Variants in CUL2 observed in about 807,000 individuals in gnomAD.
CUL2 encodes cullin 2.
CUL2 carries 22 observed loss-of-function variants against 110.2 expected under a neutral mutation model. That is an observed-to-expected ratio of 0.20 (90% CI 0.14 to 0.28). The LOEUF (loss-of-function observed/expected upper bound fraction) is 0.28. CUL2 is among the 10% of genes least tolerant of loss of function. The pLI is 1.00. For missense variants in CUL2, 631 were observed against 905.5 expected (o/e 0.70, Z 3.89); for synonymous variants, 279 against 293.2 (o/e 0.95, Z 0.49).
chr10:35,053,846 T>G (rs947643363), intron 5 of CUL2, among the ~76,000 whole-genome samples: 9 of 152,202 alleles, frequency 5.9e-5, no homozygotes, highest in Non-Finnish European at 1.2e-4. Context: ...CAAGCTTTTG[T>G]GTGCAGGGAC....
At chr10:35,106,304 GT>G (rs560169656) in intron 1 of CUL2, among the ~76,000 whole-genome samples, 5,385 of 142,246 alleles carry the variant, frequency 0.038, 136 homozygotes, top group Non-Finnish European at 0.06. Context: ...TGTGTTTTTT[GT>G]TTTTTTTTTT....
intron 8 of CUL2, 30 bp from the exon 9 acceptor site, chr10:35,039,112 C>A: frequency 2.1e-6 from 3 of 1,443,616 alleles, no homozygotes; most frequent in Non-Finnish European, 2.8e-6. Context: ...CAGTCATGAA[C>A]ACAAAGTTTT....
At chr10:35,085,226 A>G (rs2087031813) in intron 1 of CUL2, among the ~76,000 whole-genome samples, 1 of 151,810 alleles carries the variant, frequency 6.6e-6, no homozygotes, top group Non-Finnish European at 1.5e-5. Flanking sequence ...CAGGAGATTG[A>G]GACCATCCTG....
rs111521883 is a variant in CUL2, at chr10:35,016,917, ACT to A, written c.1685-525_1685-524del. On this transcript the variant is annotated intron_variant, in intron 17 of 20. Transcript: ENST00000374749. ...ACTCCAGCACGGGTGACAGAGCGAG[ACT>A]CTGTCTCAAAAAAAAAAAAAAAACA... Among the ~76,000 whole-genome samples, 28 of 140,648 alleles carry A rather than the reference ACT, an allele frequency of 2.0e-4. 1 individual carries two copies. The highest frequency in any genetic ancestry group is 3.8e-3 in the Middle Eastern group (1 of 266). The allele number at this position is 140,648 out of a possible 152,430, so 92.3% of individuals were successfully genotyped here. A position where few individuals can be genotyped will look rare whatever the true frequency, so the allele number is the denominator to read the frequency against.
Position 35,016,414 on chromosome 10 carries a change from T to C in CUL2, c.1685-20A>G. The C allele has an allele frequency of 6.5e-7, 1 of 1,535,696 alleles. No individual in the cohort carries two copies. Among genetic ancestry groups the C allele is most frequent in the Non-Finnish European group, 8.9e-7 (1 of 1,118,822 alleles). ...CTTCACCTACAATTAAAACAAAAACTGACAGTGAATTGACCATTCAAAGAA... is the reference window on the plus strand; with the variant it reads ...CTTCACCTACAATTAAAACAAAAACCGACAGTGAATTGACCATTCAAAGAA... On this transcript the variant is annotated intron_variant, in intron 17 of 20. Coordinates refer to ENST00000374749, the MANE Select transcript of CUL2 (RefSeq NM_003591.4).
At chr10:35,029,196 T>C (rs1306597951) in intron 15 of CUL2, among the ~76,000 whole-genome samples, 3 of 152,140 alleles carry the variant, frequency 2.0e-5, no homozygotes, top group African/African-American at 7.2e-5. Flanking sequence ...TAACTGGGAT[T>C]ACAGGCACGC....
Position 35,044,690 on chromosome 10 carries a change from T to C in CUL2, c.604-14A>G. ...TTCCTGATAAAACTGAATAAATCAA[T>C]TACATCATATTAGAAGAAATTAGAA... is the stretch of plus-strand genomic sequence containing the variant. On this transcript the variant is annotated splice_polypyrimidine_tract_variant and intron_variant, in intron 7 of 20. Coordinates refer to ENST00000374749, the MANE Select transcript of CUL2 (RefSeq NM_003591.4). 1 of 1,586,998 alleles carries C rather than the reference T, an allele frequency of 6.3e-7. No homozygotes were observed. The highest frequency in any genetic ancestry group is 8.6e-7 in the Non-Finnish European group (1 of 1,160,270).
chr10:35,033,908 A>G (rs1169958333), intron 10 of CUL2, among the ~76,000 whole-genome samples: 1 of 152,226 alleles, frequency 6.6e-6, no homozygotes, highest in Non-Finnish European at 1.5e-5. Context: ...GACCTGAACT[A>G]CCAGGTCTAT....
intron 17 of CUL2, among the ~76,000 whole-genome samples, chr10:35,016,928 AAAAAAAAAAAAAAAC>A (rs1158177065): frequency 1.3e-5 from 2 of 148,734 alleles, no homozygotes; most frequent in Admixed American, 6.7e-5. Context: ...CTCTGTCTCA[AAAAAAAAAAAAAAAC>A]AAAAAAAAAA....
chr10:35,105,536 T>C (rs2087443531), intron 1 of CUL2, among the ~76,000 whole-genome samples: 1 of 150,396 alleles, frequency 6.6e-6, no homozygotes, highest in African/African-American at 2.4e-5. Flanking sequence ...GAAACCCGTC[T>C]CTACTAAAAA....
intron 17 of CUL2, 40 bp downstream of exon 17, chr10:35,025,092 G>A: frequency 6.9e-7 from 1 of 1,443,124 alleles, no homozygotes; most frequent in Non-Finnish European, 9.1e-7. Flanking sequence ...TAATCATCAG[G>A]TAAATTTCAT....
intron 19 of CUL2, among the ~76,000 whole-genome samples, chr10:35,013,355 A>C (rs2084951413): frequency 6.6e-6 from 1 of 152,032 alleles, no homozygotes; most frequent in Admixed American, 6.6e-5. Context: ...AAAAAAAAAA[A>C]AAAAAATGAA....
upstream of CUL2, among the ~76,000 whole-genome samples, chr10:35,094,299 G>A (rs542667360): frequency 1.3e-3 from 200 of 151,646 alleles, no homozygotes; most frequent in African/African-American, 4.2e-3. Context: ...GCAATGGTGC[G>A]ATCTTGGCTC....
chr10:35,095,316 C>T (rs2087279110), upstream of CUL2, among the ~76,000 whole-genome samples: 1 of 145,612 alleles, frequency 6.9e-6, no homozygotes, highest in Non-Finnish European at 1.5e-5. Context: ...GAGCAAGACT[C>T]CATCTCAAAA....
At chr10:35,082,869 T>C (rs903154243) in intron 1 of CUL2, among the ~76,000 whole-genome samples, 2 of 152,114 alleles carry the variant, frequency 1.3e-5, no homozygotes, top group African/African-American at 4.8e-5. Context: ...ATTACAAAGG[T>C]ATCTTTGGCT....
At chr10:35,025,033 AG>A (rs1260284952) in intron 17 of CUL2, 98 bp downstream of exon 17, 6 of 1,342,908 alleles carry the variant, frequency 4.5e-6, no homozygotes, top group Non-Finnish European at 5.8e-6. Context: ...GGAGGAGAAA[AG>A]GTTAAAAACT....
At chr10:35,114,602 C>T (rs1380700183) in intron 1 of CUL2, among the ~76,000 whole-genome samples, 2 of 150,984 alleles carry the variant, frequency 1.3e-5, no homozygotes, top group East Asian at 2.0e-4. Flanking sequence ...AGGCTGGTCT[C>T]GAACTCCTGA....
intron 20 of CUL2, among the ~76,000 whole-genome samples, chr10:35,011,070 TTTA>T (rs1302765710): frequency 9.2e-5 from 14 of 152,242 alleles, no homozygotes; most frequent in African/African-American, 3.1e-4. Context: ...CAAATATGAA[TTTA>T]TTATTATCAT....
chr10:35,105,959 A>T (rs1413499134), intron 1 of CUL2, among the ~76,000 whole-genome samples: 1 of 152,348 alleles, frequency 6.6e-6, no homozygotes, highest in Admixed American at 6.5e-5. Context: ...ATATATTTCC[A>T]ACAATCACTG....
Sources: gnomAD v4.1 joint callset for allele counts (sites outside exome capture counted in the v4.1 genomes callset) on GRCh38, gnomAD v4.1.1 for gene constraint, MANE v1.5 for transcripts, NCBI Gene and HGNC (gene_info 2026-07-23, HGNC 2026-07-21) for gene names.